The following ERC2 variants were observed in gnomAD, a reference collection of about 807,000 sequenced individuals.
ERC2 encodes the protein ERC protein 2.
ERC2 carries 42 observed loss-of-function variants against 114.8 expected under a neutral mutation model. The ratio of observed to expected loss-of-function variants is 0.37; its 90% CI spans 0.29 to 0.47. The LOEUF is 0.47. ERC2 is among the 20% of genes least tolerant of loss of function. The pLI is 0.99. For missense variants in ERC2, 939 were observed against 1,150.7 expected (o/e 0.82, Z 2.66); for synonymous variants, 454 against 425.5 (o/e 1.07, Z -0.82).
At chr3:55,950,059 TACAC>T (rs2067394324) in intron 13 of ERC2, among the ~76,000 whole-genome samples, 1 of 152,220 alleles carries the variant, frequency 6.6e-6, no homozygotes, top group Non-Finnish European at 1.5e-5. Context: ...TCTGTGATAA[TACAC>T]ACACATTTGC....
chr3:56,110,481 T>C (rs2149827047), intron 6 of ERC2, among the ~76,000 whole-genome samples: 1 of 152,242 alleles, frequency 6.6e-6, no homozygotes, highest in African/African-American at 2.4e-5. Context: ...GGGCACAAGT[T>C]TAATGACAAA....
At chr3:55,705,873 T>TTTTAC (rs1420407803) in intron 15 of ERC2, among the ~76,000 whole-genome samples, 2 of 152,274 alleles carry the variant, frequency 1.3e-5, no homozygotes, top group African/African-American at 4.8e-5. Context: ...TTTTATTTTA[T>TTTTAC]TTTATTTTTA....
At chr3:55,952,772 C>G (rs1434376820) in intron 12 of ERC2, among the ~76,000 whole-genome samples, 33 of 152,202 alleles carry the variant, frequency 2.2e-4, no homozygotes, top group Non-Finnish European at 7.3e-5. Flanking sequence ...AGTGAAAGAG[C>G]TCCCACAAAG....
intron 14 of ERC2, among the ~76,000 whole-genome samples, chr3:55,886,061 G>C (rs566191633): frequency 1.6e-4 from 25 of 152,290 alleles, no homozygotes; most frequent in African/African-American, 5.8e-4. Flanking sequence ...AGGAGATGGA[G>C]AGTTAACTTG....
At chr3:55,566,932 A>G (rs1266086383) in intron 17 of ERC2, among the ~76,000 whole-genome samples, 2 of 152,020 alleles carry the variant, frequency 1.3e-5, no homozygotes, top group African/African-American at 4.8e-5. Context: ...AACTCCTGAC[A>G]TCAAGTGATC....
chr3:55,839,138 T>C (rs553561608), intron 14 of ERC2, among the ~76,000 whole-genome samples: 5 of 151,726 alleles, frequency 3.3e-5, no homozygotes, highest in African/African-American at 7.2e-5. Flanking sequence ...ACAGAAGATT[T>C]CCCACCAGAC....
At chr3:55,573,923 T>A (rs1470377297) in intron 17 of ERC2, among the ~76,000 whole-genome samples, 1 of 152,042 alleles carries the variant, frequency 6.6e-6, no homozygotes, top group Non-Finnish European at 1.5e-5. Flanking sequence ...ATGTAGCGCT[T>A]CTCCTCATCA....
chr3:55,612,833 C>A (rs1268726683), intron 17 of ERC2: 3 of 152,166 alleles, frequency 2.0e-5, no homozygotes. Flanking sequence ...TCCAAAAGAC[C>A]CTGCAACTGT....
intron 2 of ERC2, among the ~76,000 whole-genome samples, chr3:56,334,882 G>A (rs1417719171): frequency 6.6e-6 from 1 of 152,180 alleles, no homozygotes; most frequent in Non-Finnish European, 1.5e-5. Flanking sequence ...TCGGCTCACT[G>A]CAGCCTCTGC....
intron 14 of ERC2, among the ~76,000 whole-genome samples, chr3:55,786,333 C>T (rs2149064772): frequency 6.6e-6 from 1 of 152,326 alleles, no homozygotes; most frequent in Admixed American, 6.5e-5. Flanking sequence ...TATTCAAATG[C>T]TGACTTGATG....
intron 3 of ERC2, among the ~76,000 whole-genome samples, chr3:56,199,841 T>C (rs2048310391): frequency 6.6e-6 from 1 of 152,066 alleles, no homozygotes; most frequent in Admixed American, 6.6e-5. Flanking sequence ...CCACTCTGGC[T>C]GCCATGTGGA....
Position 56,218,694 on chromosome 3 carries a change from G to A in ERC2, c.1075-45174C>T, listed in dbSNP as rs2049678417. Among the ~76,000 whole-genome samples the A allele has an allele frequency of 2.6e-5, 4 of 152,096 alleles. 1 individual carries two copies. In the South Asian group the frequency reaches 8.3e-4, roughly 32 times the overall value. ...TGCTATAAAGACACATGCACACGTA[G>A]GTTTATTGCGGCACTATTACAATAG... On this transcript the variant is annotated intron_variant, in intron 3 of 17. Coordinates refer to ENST00000288221, the MANE Select transcript of ERC2 (RefSeq NM_015576.3).
intron 6 of ERC2, among the ~76,000 whole-genome samples, chr3:56,094,996 T>C (rs537911888): frequency 1.3e-5 from 2 of 152,338 alleles, no homozygotes; most frequent in African/African-American, 4.8e-5. Flanking sequence ...CTAACGCCTA[T>C]AATCCCAGCA....
At chr3:56,276,210 C>CTTA (rs1237497298) in intron 3 of ERC2, among the ~76,000 whole-genome samples, 2 of 151,942 alleles carry the variant, frequency 1.3e-5, no homozygotes, top group Non-Finnish European at 2.9e-5. Context: ...CAGAAACTGC[C>CTTA]CAGAGTTTCT....
chr3:56,202,766 G>C (rs115610599), intron 3 of ERC2, among the ~76,000 whole-genome samples: 2,176 of 152,132 alleles, frequency 0.014, 56 homozygotes, highest in African/African-American at 0.049. Context: ...AGTAGAAGGG[G>C]ACAAATTTTC....
At chr3:55,563,713 T>G (rs1315512497) in intron 17 of ERC2, among the ~76,000 whole-genome samples, 1 of 152,046 alleles carries the variant, frequency 6.6e-6, no homozygotes, top group African/African-American at 2.4e-5. Flanking sequence ...GAGTCCAACA[T>G]GCAGAGAGAA....
intron 13 of ERC2, among the ~76,000 whole-genome samples, chr3:55,934,915 G>C (rs773186977): frequency 6.6e-6 from 1 of 152,042 alleles, no homozygotes; most frequent in Non-Finnish European, 1.5e-5. Flanking sequence ...AAAATCATGC[G>C]GTCTGGGGGA....
intron 2 of ERC2, among the ~76,000 whole-genome samples, chr3:56,327,197 A>T (rs1006712521): frequency 9.2e-5 from 14 of 152,260 alleles, no homozygotes; most frequent in African/African-American, 3.4e-4. Flanking sequence ...ATTGACTCAC[A>T]GTTTAGCATG....
At chr3:55,697,230 A>T (rs1005988920) in intron 16 of ERC2, among the ~76,000 whole-genome samples, 3 of 152,178 alleles carry the variant, frequency 2.0e-5, no homozygotes, top group African/African-American at 4.8e-5. Context: ...ATTCCAGCCT[A>T]TTCACCCACT....
Sources: allele counts gnomAD v4.1 joint callset (sites outside exome capture counted in the v4.1 genomes callset), GRCh38; gene constraint gnomAD v4.1.1; transcripts MANE v1.5; gene names NCBI Gene and HGNC (gene_info 2026-07-23, HGNC 2026-07-21).